KALRN: variants seen among roughly 807,000 people sequenced by gnomAD.
KALRN encodes kalirin.
In KALRN, 70 loss-of-function variants were observed where a neutral mutation model predicts 353.7. The observed-to-expected ratio is 0.20, with a 90% CI of 0.16 to 0.24. KALRN has a LOEUF of 0.24. KALRN is among the 10% of genes least tolerant of loss of function. The pLI is 1.00. For synonymous variants in KALRN, 1,391 were observed against 1,434.8 expected (o/e 0.97, Z 0.69); for missense variants, 2,791 against 3,756.7 (o/e 0.74, Z 6.72).
chr3:124,126,934 A>T (rs2064750669), intron 1 of KALRN, among the ~76,000 whole-genome samples: 1 of 152,192 alleles, frequency 6.6e-6, no homozygotes, highest in South Asian at 2.1e-4. Context: ...GTCATAGTAA[A>T]GTGACTTGTA....
intron 10 of KALRN, among the ~76,000 whole-genome samples, chr3:124,378,290 T>C (rs530202589): frequency 6.6e-6 from 1 of 152,230 alleles, no homozygotes; most frequent in Non-Finnish European, 1.5e-5. Context: ...CCACTTTACA[T>C]AAAGTATAGG....
chr3:124,561,509 C>G (rs1339702179), intron 33 of KALRN, among the ~76,000 whole-genome samples: 1 of 152,176 alleles, frequency 6.6e-6, no homozygotes, highest in East Asian at 1.9e-4. Context: ...GAATGCTGAG[C>G]TTTTGGTCCT....
chr3:124,149,534 G>A (rs976069585), intron 1 of KALRN, among the ~76,000 whole-genome samples: 5 of 152,258 alleles, frequency 3.3e-5, no homozygotes, highest in Admixed American at 3.3e-4. Context: ...CTCTTAAGTG[G>A]CTTGGAGAGA....
chr3:124,097,999 G>A (rs949560592), intron 1 of KALRN, among the ~76,000 whole-genome samples: 7 of 152,164 alleles, frequency 4.6e-5, no homozygotes, highest in African/African-American at 1.7e-4. Flanking sequence ...TAAGAAGCAT[G>A]AGTTGTATAT....
At chr3:124,445,994 C>G (rs1352438750) in intron 19 of KALRN, among the ~76,000 whole-genome samples, 167 bp from the exon 20 acceptor site, 1 of 152,224 alleles carries the variant, frequency 6.6e-6, no homozygotes, top group Admixed American at 6.5e-5. Context: ...CTAGGAAATC[C>G]TTTCTGTATC....
intron 1 of KALRN, among the ~76,000 whole-genome samples, chr3:124,183,489 C>A (rs1346108089): frequency 6.6e-6 from 1 of 152,154 alleles, no homozygotes. Flanking sequence ...GGATCCTCCC[C>A]CATGGCCCAA....
rs565598114 is a variant in KALRN at position 124,057,603 on chromosome 3, C to A, written c.73+23790C>A. ...GAGGAATCTTTTTGCTTTGGCCCTGCCTGCACTTGTGCGCGTGCCAAACTC... is the reference window on the plus strand; with the variant it reads ...GAGGAATCTTTTTGCTTTGGCCCTGACTGCACTTGTGCGCGTGCCAAACTC... On this transcript the variant is annotated intron_variant, in intron 1 of 59. Coordinates refer to ENST00000682506, the MANE Select transcript of KALRN (RefSeq NM_001388419.1). 2.6e-4 allele frequency among the ~76,000 whole-genome samples: 39 copies of A among 152,154 alleles called. No homozygotes were observed. The South Asian group carries it at 7.9e-3, about 31-fold the overall frequency.
intron 3 of KALRN, among the ~76,000 whole-genome samples, chr3:124,244,937 C>A (rs1218714054): frequency 6.6e-6 from 1 of 151,998 alleles, no homozygotes; most frequent in East Asian, 1.9e-4. Flanking sequence ...GTGCAGTGGT[C>A]AAATCAGAGG....
chr3:124,108,137 A>G (rs1056212411), intron 1 of KALRN, among the ~76,000 whole-genome samples: 4 of 152,192 alleles, frequency 2.6e-5, no homozygotes, highest in African/African-American at 9.7e-5. Context: ...ACTTAGCACA[A>G]GGAACAAAGG....
chr3:124,671,954 G>A (rs2086514116), intron 48 of KALRN, 56 bp downstream of exon 48: 1 of 1,299,244 alleles, frequency 7.7e-7, no homozygotes, highest in Non-Finnish European at 1.1e-6. Context: ...AGCCTCAGGG[G>A]TTACTTTAGG....
intron 34 of KALRN, among the ~76,000 whole-genome samples, chr3:124,615,188 C>A (rs947636010): frequency 3.3e-4 from 50 of 152,086 alleles, no homozygotes; most frequent in Non-Finnish European, 6.0e-4. Flanking sequence ...ATATTGTATG[C>A]CTCCTGATTT....
intron 45 of KALRN, among the ~76,000 whole-genome samples, chr3:124,662,565 T>C (rs1004835387): frequency 1.3e-5 from 2 of 152,090 alleles, no homozygotes; most frequent in African/African-American, 4.8e-5. Context: ...GGAACACCTG[T>C]TTTTTGAGAA....
At chr3:124,119,818 T>C (rs2063796791) in intron 1 of KALRN, among the ~76,000 whole-genome samples, 1 of 152,248 alleles carries the variant, frequency 6.6e-6, no homozygotes, top group South Asian at 2.1e-4. Context: ...TGGCAAACCC[T>C]GAGACAGCTT....
intron 33 of KALRN, among the ~76,000 whole-genome samples, chr3:124,540,784 C>G (rs899591889): frequency 6.6e-6 from 1 of 152,148 alleles, no homozygotes; most frequent in African/African-American, 2.4e-5. Context: ...CACCACTTAC[C>G]AAAACTAAGC....
intron 10 of KALRN, among the ~76,000 whole-genome samples, chr3:124,353,689 G>A (rs1192454938): frequency 6.6e-6 from 1 of 151,946 alleles, no homozygotes; most frequent in African/African-American, 2.4e-5. Context: ...AGGAAAAGGT[G>A]GGAGAGCTTA....
At chr3:124,065,927 T>C (rs1250269241) in intron 1 of KALRN, among the ~76,000 whole-genome samples, 1 of 152,190 alleles carries the variant, frequency 6.6e-6, no homozygotes, top group East Asian at 1.9e-4. Context: ...AACATAACTT[T>C]TCTGGAAGCC....
intron 33 of KALRN, among the ~76,000 whole-genome samples, chr3:124,520,094 A>G (rs1012357081): frequency 1.3e-5 from 2 of 152,016 alleles, no homozygotes; most frequent in African/African-American, 4.8e-5. Flanking sequence ...CAGAATAAAG[A>G]TAATCATAGG....
At chr3:124,217,638 T>C (rs1327002173) in intron 1 of KALRN, among the ~76,000 whole-genome samples, 1 of 152,186 alleles carries the variant, frequency 6.6e-6, no homozygotes. Context: ...CTTTCATCTC[T>C]GCCTCTTTCT....
chr3:124,490,417 G>C (rs1228251926), intron 29 of KALRN, among the ~76,000 whole-genome samples: 1 of 152,126 alleles, frequency 6.6e-6, no homozygotes, highest in Non-Finnish European at 1.5e-5. Context: ...GTGTGTGAAG[G>C]TGTGAGGTTG....
Sources: gnomAD v4.1 joint callset for allele counts (sites outside exome capture counted in the v4.1 genomes callset) on GRCh38, gnomAD v4.1.1 for gene constraint, MANE v1.5 for transcripts, NCBI Gene and HGNC (gene_info 2026-07-23, HGNC 2026-07-21) for gene names.